The following DNMT3A variants were observed in gnomAD, a reference collection of about 807,000 sequenced individuals.
DNMT3A encodes DNA (cytosine-5)-methyltransferase 3A.
Under a neutral mutation model 117.6 loss-of-function variants are expected in DNMT3A, and 267 were observed. That is an observed-to-expected ratio of 2.27 (90% CI 2.05 to 2.51). The LOEUF is 2.51. DNMT3A is among the 30% of genes most tolerant of loss of function. The probability of loss-of-function intolerance (pLI) is 0.00; values close to 1 mark genes in which losing one functional copy is unlikely to be tolerated. For synonymous variants in DNMT3A, 432 were observed against 474.8 expected (o/e 0.91, Z 1.17); for missense variants, 1,029 against 1,260.2 (o/e 0.82, Z 2.78).
At position 25,294,550 on chromosome 2, in the gene DNMT3A, C is replaced by A. The variant is rs371004459; in HGVS notation, c.177+5589G>T. Among the ~76,000 whole-genome samples the A allele has an allele frequency of 1.2e-4, 18 of 152,294 alleles. No individual in the cohort carries two copies. Among genetic ancestry groups the A allele is most frequent in the East Asian group, 1.2e-3 (6 of 5,188 alleles). ...AAGGTAGGGGCACCATATCACCCAG[C>A]CGAGGTCCGGAGGGTTAGCCCAGGA... On this transcript the variant is annotated intron_variant, in intron 3 of 22. Transcript: ENST00000321117. The surrounding 1 kb of genome is among the most constrained non-coding windows in gnomAD (Gnocchi z 4.7).
intron 1 of DNMT3A, among the ~76,000 whole-genome samples, chr2:25,319,718 C>T (rs1257462253): frequency 1.3e-5 from 2 of 152,046 alleles, no homozygotes; most frequent in Admixed American, 6.5e-5. Flanking sequence ...AGGTATCGCT[C>T]GTGGCCATAC....
In DNMT3A at chr2:25,247,268, G is replaced by A. The variant is rs958702473; in HGVS notation, c.1015-110C>T. 1.9e-6 allele frequency: 2 copies of A among 1,066,732 alleles called. No individual in the cohort carries two copies. Among genetic ancestry groups the A allele is most frequent in the Non-Finnish European group, 2.8e-6 (2 of 714,724 alleles). The allele number at this position is 1,066,732 out of a possible 1,614,324, so 66.1% of individuals were successfully genotyped here. On this transcript the variant is annotated intron_variant, in intron 8 of 22. Transcript: ENST00000321117. This position sits in a 1 kb window ranked among gnomAD's most constrained non-coding sequence, Gnocchi z 5.6. ...GCCTCGAGAGTCAGTCTCAGCCCTG[G>A]AGGGGACCAGATACAGTGATAAATA...
Position 25,341,832 on chromosome 2 carries a change from G to T in DNMT3A, c.-184C>A, listed in dbSNP as rs2035473721. 5 of 980,236 alleles carry T rather than the reference G, an allele frequency of 5.1e-6. No homozygotes were observed. In the African/African-American group the frequency reaches 8.8e-5, roughly 17 times the overall value. 60.7% of individuals were successfully genotyped at this position (980,236 alleles called of 1,614,324 possible). A position where few individuals can be genotyped will look rare whatever the true frequency, so the allele number is the denominator to read the frequency against. On this transcript the variant is annotated 5_prime_UTR_variant, in exon 1 of 23. Coordinates refer to ENST00000321117, the MANE Select transcript of DNMT3A (RefSeq NM_022552.5). ...CAGCAGCGGCGCTCATTACCGTATG[G>T]CCGGTGGGGTCGGGCCGGCCCGGCT...
intron 1 of DNMT3A, among the ~76,000 whole-genome samples, chr2:25,318,885 G>A (rs1375534680): frequency 2.0e-5 from 3 of 149,638 alleles, no homozygotes; most frequent in Non-Finnish European, 4.4e-5. Context: ...ATTTTTAGTA[G>A]AGACAGGGTT....
At position 25,229,270 on chromosome 2, in the gene DNMT3A, C is replaced by G. The variant is rs540740918; in HGVS notation, c.*5009G>C. ...CCTCTCCTCCCGGTCCTCCTGACCCCAGCACAGGGCCTGGTAAGGAGGCGG... is the reference window on the plus strand; with the variant it reads ...CCTCTCCTCCCGGTCCTCCTGACCCGAGCACAGGGCCTGGTAAGGAGGCGG... On this transcript the variant is annotated 3_prime_UTR_variant, in exon 23 of 23. Coordinates refer to ENST00000321117, the MANE Select transcript of DNMT3A (RefSeq NM_022552.5). 6.5e-6 allele frequency: 1 copy of G among 152,686 alleles called. No homozygotes were observed. Among genetic ancestry groups the G allele is most frequent in the South Asian group, 2.1e-4 (1 of 4,834 alleles). 9.5% of individuals were successfully genotyped at this position (152,686 alleles called of 1,614,324 possible).
At chr2:25,341,552 G>A (rs1415398604) in intron 1 of DNMT3A, among the ~76,000 whole-genome samples, 1 of 146,692 alleles carries the variant, frequency 6.8e-6, no homozygotes, top group Non-Finnish European at 1.5e-5. Flanking sequence ...GCGGGGAGGG[G>A]GGTCCGCGCC....
intron 6 of DNMT3A, among the ~76,000 whole-genome samples, chr2:25,264,132 G>GTTTTTTTTTTTTTTGTTTTTT (rs2029961535): frequency 1.4e-5 from 1 of 73,740 alleles, no homozygotes; most frequent in Non-Finnish European, 2.3e-5. Flanking sequence ...CAACCCTTTG[G>GTTTTTTTTTTTTTTGTTTTTT]TTTTTTTTTT....
At chr2:25,264,299 C>T (rs893705923) in intron 6 of DNMT3A, among the ~76,000 whole-genome samples, 2 of 151,722 alleles carry the variant, frequency 1.3e-5, no homozygotes, top group Non-Finnish European at 2.9e-5. Flanking sequence ...GCCACCACGC[C>T]CAGCTAATTT....
intron 6 of DNMT3A, among the ~76,000 whole-genome samples, chr2:25,271,171 C>T (rs191563519): frequency 5.5e-4 from 83 of 150,432 alleles, no homozygotes; most frequent in Non-Finnish European, 1.1e-3. Flanking sequence ...ATGGTGAAAC[C>T]CCCATCTCTA....
intron 3 of DNMT3A, among the ~76,000 whole-genome samples, chr2:25,297,377 G>A (rs1451683002): frequency 3.3e-5 from 5 of 152,120 alleles, no homozygotes; most frequent in Admixed American, 6.5e-5. Flanking sequence ...CGAGGGGCAC[G>A]GGATGCGCCC....
rs2033782727 is a variant in DNMT3A at position 25,306,401 on chromosome 2, T to C, written c.73-6158A>G. ...CAATATCCGACAAGTAACCATTGAC[T>C]GCTTAGGTCGTGTCATAATTACCGA... On this transcript the variant is annotated intron_variant, in intron 2 of 22. Coordinates refer to ENST00000321117, the MANE Select transcript of DNMT3A (RefSeq NM_022552.5). The surrounding 1 kb of genome is among the most constrained non-coding windows in gnomAD (Gnocchi z 4.1). Among the ~76,000 whole-genome samples the C allele has an allele frequency of 6.6e-6, 1 of 152,196 alleles. No individual in the cohort carries two copies.
chr2:25,243,248 T>C (rs947914614), intron 16 of DNMT3A, among the ~76,000 whole-genome samples: 1 of 145,702 alleles, frequency 6.9e-6, no homozygotes, highest in African/African-American at 2.6e-5. Context: ...GAGGTTGCAG[T>C]GGGCCAAGAT....
At chr2:25,270,168 CA>C (rs1295613949) in intron 6 of DNMT3A, among the ~76,000 whole-genome samples, 1 of 152,202 alleles carries the variant, frequency 6.6e-6, no homozygotes, top group African/African-American at 2.4e-5. Flanking sequence ...CTGAAAAGCC[CA>C]AGTGTCTTGT....
rs2032300031 is a variant in DNMT3A at position 25,286,247 on chromosome 2, A to C, written c.178-3536T>G. Among the ~76,000 whole-genome samples the C allele has an allele frequency of 6.6e-6, 1 of 151,960 alleles. No homozygotes were observed. The highest frequency in any genetic ancestry group is 2.4e-5 in the African/African-American group (1 of 41,348). On this transcript the variant is annotated intron_variant, in intron 3 of 22. Coordinates refer to ENST00000321117, the MANE Select transcript of DNMT3A (RefSeq NM_022552.5). This position sits in a 1 kb window ranked among gnomAD's most constrained non-coding sequence, Gnocchi z 4.3. ...CAACACAGCCCCAGGCTCCCGACCA[A>C]CCCAGTCCTTCATGCACAAGAGTAA...
In DNMT3A at chr2:25,279,477, C is replaced by T. The variant is rs531549219; in HGVS notation, c.448+2964G>A. ...GTCAGCTGACTGCTGGAACCGTGAC[C>T]GAGCCTCCACACCCTGATTAAGCCA... On this transcript the variant is annotated intron_variant, in intron 4 of 22. Coordinates refer to ENST00000321117, the MANE Select transcript of DNMT3A (RefSeq NM_022552.5). 4.6e-5 allele frequency among the ~76,000 whole-genome samples: 7 copies of T among 152,162 alleles called. No homozygotes were observed. The East Asian group carries it at 9.7e-4, about 21-fold the overall frequency.
At chr2:25,313,135 A>T (rs973727487) in intron 2 of DNMT3A, among the ~76,000 whole-genome samples, 4 of 152,158 alleles carry the variant, frequency 2.6e-5, no homozygotes, top group African/African-American at 9.7e-5. Flanking sequence ...TTTTCCTATC[A>T]TGGGGACACA....
At chr2:25,342,052 C>G (rs2035483919), upstream of DNMT3A, 1 of 626,520 alleles carries the variant, frequency 1.6e-6, no homozygotes, top group African/African-American at 2.1e-5. The surrounding 1 kb of genome is among the most constrained non-coding windows in gnomAD (Gnocchi z 5.9). Context: ...CTCCGCCTTC[C>G]TCCTTCCCTC....
chr2:25,278,553 C>T (rs556238956), intron 4 of DNMT3A, among the ~76,000 whole-genome samples: 2 of 152,362 alleles, frequency 1.3e-5, no homozygotes, highest in Non-Finnish European at 2.9e-5. Flanking sequence ...AGGCTGAGTG[C>T]AGTGGCTCAT....
In DNMT3A at chr2:25,236,581, C is replaced by G. The variant is rs1673390816; in HGVS notation, c.2478+355G>C. 6.6e-6 allele frequency among the ~76,000 whole-genome samples: 1 copy of G among 152,056 alleles called. No individual in the cohort carries two copies. Among genetic ancestry groups the G allele is most frequent in the Admixed American group, 6.5e-5 (1 of 15,272 alleles). On this transcript the variant is annotated intron_variant, in intron 21 of 22. Coordinates refer to ENST00000321117, the MANE Select transcript of DNMT3A (RefSeq NM_022552.5). The surrounding 1 kb of genome is among the most constrained non-coding windows in gnomAD (Gnocchi z 4.5). ...TAGTCACTCCGGGAGATTCCAGCTC[C>G]AGAGAGAAATGGAGCTTCCACATCA...
Sources: gnomAD v4.1 joint callset for allele counts (sites outside exome capture counted in the v4.1 genomes callset) on GRCh38, gnomAD v4.1.1 for gene constraint, Gnocchi (gnomAD v3.1) non-coding constraint, MANE v1.5 for transcripts, NCBI Gene and HGNC (gene_info 2026-07-23, HGNC 2026-07-21) for gene names.